The following PBRM1 variants were observed in gnomAD, a reference collection of about 807,000 sequenced individuals.
PBRM1 encodes polybromo 1.
PBRM1 carries 27 observed loss-of-function variants against 194.5 expected under a neutral mutation model. The ratio of observed to expected loss-of-function variants is 0.14; its 90% CI spans 0.10 to 0.19. The LOEUF (loss-of-function observed/expected upper bound fraction) is 0.19, where lower values mean the gene tolerates loss of function less well. PBRM1 is among the 10% of genes least tolerant of loss of function. The probability of loss-of-function intolerance (pLI) is 1.00; values close to 1 mark genes in which losing one functional copy is unlikely to be tolerated. For synonymous variants in PBRM1, 655 were observed against 693.2 expected, an observed-to-expected ratio of 0.94 and a Z score of 0.87; for missense variants, 1,466 against 2,077.2, an observed-to-expected ratio of 0.71 and a Z score of 5.72.
chr3:52,612,650 T>A (rs939648583), intron 15 of PBRM1, among the ~76,000 whole-genome samples: 7 of 152,106 alleles, frequency 4.6e-5, no homozygotes, highest in African/African-American at 7.2e-5. Flanking sequence ...ATGCCTGTAA[T>A]CCTAGCACTT....
At position 52,626,041 on chromosome 3, in the gene PBRM1, C is replaced by G. The variant is rs562924341; in HGVS notation, c.1541+1232G>C. Among the ~76,000 whole-genome samples the G allele has an allele frequency of 7.9e-5, 12 of 152,330 alleles. No individual in the cohort carries two copies. In the South Asian group the frequency reaches 2.5e-3, roughly 32 times the overall value. On this transcript the variant is annotated intron_variant, in intron 13 of 29. Coordinates refer to ENST00000296302, the Ensembl canonical transcript of PBRM1. ...AGTGTTGGCACTAATTGTACCATCA[C>G]TTTTGCCTCCATTACCTTCTTTTGC... is the stretch of plus-strand genomic sequence containing the variant.
At chr3:52,663,995 G>C (rs973823436) in intron 3 of PBRM1, among the ~76,000 whole-genome samples, 1 of 151,232 alleles carries the variant, frequency 6.6e-6, no homozygotes, top group Admixed American at 6.6e-5. Flanking sequence ...GGGAGGCGGA[G>C]CTTGCAGTAA....
At chr3:52,626,744 C>T (rs545336123) in intron 13 of PBRM1, among the ~76,000 whole-genome samples, 1 of 151,966 alleles carries the variant, frequency 6.6e-6, no homozygotes, top group East Asian at 1.9e-4. Flanking sequence ...GGAAAAAAAA[C>T]CCCAAAAATC....
At chr3:52,601,308 AAT>A (rs2093976753) in intron 17 of PBRM1, among the ~76,000 whole-genome samples, 1 of 152,142 alleles carries the variant, frequency 6.6e-6, no homozygotes, top group Non-Finnish European at 1.5e-5. Flanking sequence ...CGTGGAAGAT[AAT>A]TTTTCCACAG....
chr3:52,685,459 G>A (rs1395975876), intron 1 of PBRM1: 2 of 152,162 alleles, frequency 1.3e-5, no homozygotes, highest in African/African-American at 4.8e-5. Flanking sequence ...TGGGGACTGA[G>A]GGAAACGTTG....
chr3:52,642,636 C>T (rs899371178), intron 9 of PBRM1, among the ~76,000 whole-genome samples: 5 of 146,652 alleles, frequency 3.4e-5, no homozygotes, highest in African/African-American at 1.2e-4. Flanking sequence ...AAACCAAAAA[C>T]CAAACAAACA....
At chr3:52,578,633 A>C (rs2090307458) in intron 21 of PBRM1, among the ~76,000 whole-genome samples, 2 of 152,220 alleles carry the variant, frequency 1.3e-5, no homozygotes, top group Non-Finnish European at 2.9e-5. Context: ...TTGAGCAGGG[A>C]ATACAAGGGT....
chr3:52,627,928 T>C (rs1476974917), intron 12 of PBRM1, among the ~76,000 whole-genome samples: 3 of 152,202 alleles, frequency 2.0e-5, no homozygotes, highest in East Asian at 3.9e-4. Flanking sequence ...TCATATAAAA[T>C]GAAGATTCTA....
intron 22 of PBRM1, among the ~76,000 whole-genome samples, chr3:52,569,539 T>C (rs138476391): frequency 1.3e-5 from 2 of 152,226 alleles, no homozygotes; most frequent in East Asian, 1.9e-4. Flanking sequence ...TGAGTTCACA[T>C]AGTATCAACT....
intron 17 of PBRM1, among the ~76,000 whole-genome samples, chr3:52,602,052 G>C (rs1401268324): frequency 6.6e-6 from 1 of 152,168 alleles, no homozygotes; most frequent in African/African-American, 2.4e-5. Flanking sequence ...CCAGGCCCCT[G>C]GATGGAATGT....
chr3:52,579,981 G>A (rs763231984), intron 20 of PBRM1, among the ~76,000 whole-genome samples: 42 of 152,304 alleles, frequency 2.8e-4, no homozygotes, highest in Non-Finnish European at 5.3e-4. Flanking sequence ...AGTGGCTTAT[G>A]TCATAACCCC....
chr3:52,587,230 G>C (rs2092519647), intron 19 of PBRM1, 123 bp downstream of exon 21: 2 of 770,026 alleles, frequency 2.6e-6, no homozygotes, highest in Non-Finnish European at 4.3e-6. Context: ...TAGCTATATA[G>C]ACACGGCTTA....
chr3:52,621,071 T>C (rs1299601244), intron 13 of PBRM1, among the ~76,000 whole-genome samples: 1 of 152,220 alleles, frequency 6.6e-6, no homozygotes, highest in Non-Finnish European at 1.5e-5. Flanking sequence ...TTTTCCAATA[T>C]GGAGGCTGAG....
At chr3:52,671,943 T>C (rs1045229773) in intron 2 of PBRM1, among the ~76,000 whole-genome samples, 2 of 152,200 alleles carry the variant, frequency 1.3e-5, no homozygotes, top group East Asian at 1.9e-4. Flanking sequence ...AATCTAAATC[T>C]TTAGTTAACT....
At chr3:52,647,456 AAATATATATAT>A (rs1164005618) in intron 7 of PBRM1, among the ~76,000 whole-genome samples, 2 of 56,218 alleles carry the variant, frequency 3.6e-5, no homozygotes, top group African/African-American at 7.8e-5. Flanking sequence ...AAAAAAAAAA[AAATATATATAT>A]ATATATATAT....
At chr3:52,665,998 T>C (rs2153969708) in intron 3 of PBRM1, among the ~76,000 whole-genome samples, 1 of 152,206 alleles carries the variant, frequency 6.6e-6, no homozygotes, top group South Asian at 2.1e-4. Flanking sequence ...ACTTCTTAGA[T>C]AAGAACTAAA....
chr3:52,680,361 T>C (rs2097182513), upstream of PBRM1, among the ~76,000 whole-genome samples: 1 of 152,186 alleles, frequency 6.6e-6, no homozygotes, highest in South Asian at 2.1e-4. Context: ...GACATATCCC[T>C]GGAAAACACT....
At chr3:52,553,354 A>G (rs1401728527) in intron 27 of PBRM1, among the ~76,000 whole-genome samples, 1 of 152,232 alleles carries the variant, frequency 6.6e-6, no homozygotes, top group African/African-American at 2.4e-5. Context: ...TTCACATTTT[A>G]AAGTGAAAAT....
chr3:52,580,829 C>A (rs950421963), intron 20 of PBRM1, among the ~76,000 whole-genome samples: 1 of 152,138 alleles, frequency 6.6e-6, no homozygotes, highest in African/African-American at 2.4e-5. Flanking sequence ...GTGACATAAT[C>A]CATGCTCAAG....
Sources: gnomAD v4.1 joint callset for allele counts (sites outside exome capture counted in the v4.1 genomes callset) on GRCh38, gnomAD v4.1.1 for gene constraint, MANE v1.5 for transcripts, NCBI Gene and HGNC (gene_info 2026-07-23, HGNC 2026-07-21) for gene names.